ZNF738: variants seen among roughly 807,000 people sequenced by gnomAD.
The protein encoded by ZNF738 is zinc finger protein 738.
In ZNF738, 10 loss-of-function variants were observed where a neutral mutation model predicts 9.2. The ratio of observed to expected loss-of-function variants is 1.09; its 90% CI spans 0.67 to 1.85. The LOEUF is 1.85. Among genes scored for constraint, ZNF738 ranks in the 40% most tolerant of loss-of-function variants. The probability of loss-of-function intolerance (pLI) is 0.00; values close to 1 mark genes in which losing one functional copy is unlikely to be tolerated. For synonymous variants in ZNF738, 113 were observed against 94.5 expected, an observed-to-expected ratio of 1.20 and a Z score of -1.14; for missense variants, 346 against 283.6, an observed-to-expected ratio of 1.22 and a Z score of -1.58.
Position 21,383,658 on chromosome 19 carries a change from C to A in ZNF738, c.1112C>A (p.Pro371His). Reference sequence around the variant, plus strand: ...AAGATAATTCATACTGGAGAGAAACCCTACAAATGTGAATAATGTGGCAAA... The same window carrying A: ...AAGATAATTCATACTGGAGAGAAACACTACAAATGTGAATAATGTGGCAAA... ...RHKIIHTGEKPYKCE is the reference protein window; with the variant it reads ...RHKIIHTGEKHYKCE The change falls in exon 5 of 5, where the codon CCC (proline) becomes CAC (histidine). Residue 371 changes from proline (P) to histidine (H), a missense_variant. Transcript: ENST00000683779. The A allele has an allele frequency of 1.0e-6, 1 of 971,950 alleles. No homozygotes were observed. The highest frequency in any genetic ancestry group is 1.6e-6 in the Non-Finnish European group (1 of 612,528). The allele number at this position is 971,950 out of a possible 1,614,324, so 60.2% of individuals were successfully genotyped here. A position where few individuals can be genotyped will look rare whatever the true frequency, so the allele number is the denominator to read the frequency against.
At chr19:21,359,224 G>A (rs553600061) in intron 1 of ZNF738, 81 bp downstream of exon 1, 727 of 917,804 alleles carry the variant, frequency 7.9e-4, no homozygotes, top group Non-Finnish European at 2.9e-4. Context: ...CGAGACTCAG[G>A]CCTCCCCGCA....
rs1158574619 is a variant in ZNF738, at chr19:21,383,077, A to G, written c.531A>G (p.Gln177=). The G allele has an allele frequency of 3.8e-6, 5 of 1,314,996 alleles. No homozygotes were observed. Among genetic ancestry groups the G allele is most frequent in the East Asian group, 2.3e-5 (1 of 42,764 alleles). 81.5% of individuals were successfully genotyped at this position (1,314,996 alleles called of 1,614,324 possible). Residue 177 remains glutamine (Q), a synonymous_variant, in exon 5 of 5, where the codon CAA becomes CAG. Transcript: ENST00000683779. The part of the protein sequence containing the change: ...YLTTTQSKIF[Q]CDKYVKVFHK... ...CAACTACCCAGAGCAAAATATTTCA[A>G]TGTGATAAATATGTGAAAGTCTTTC...
chr19:21,378,771 G>T, intron 4 of ZNF738: 1 of 263,648 alleles, frequency 3.8e-6, no homozygotes. Flanking sequence ...AGCTAAGTTT[G>T]TATTTTTAGT....
At chr19:21,381,786 C>T in intron 4 of ZNF738, 1 of 284,856 alleles carries the variant, frequency 3.5e-6, no homozygotes, top group Non-Finnish European at 7.1e-6. Flanking sequence ...AGCCACCGCG[C>T]CTGGCCAGGC....
At chr19:21,374,123 T>C (rs1973894748) in intron 2 of ZNF738, among the ~76,000 whole-genome samples, 1 of 152,162 alleles carries the variant, frequency 6.6e-6, no homozygotes, top group African/African-American at 2.4e-5. Flanking sequence ...TGGGGGAACG[T>C]CCTTAGTAAG....
In ZNF738 at chr19:21,368,893, C is replaced by G. The variant is rs560300766; in HGVS notation, c.97-6345C>G. ...CTGGGATTACAGATACTTGCCACGA[C>G]GCCCAGCTGATTTTTTGTATTTTTA... is the stretch of plus-strand genomic sequence containing the variant. On this transcript the variant is annotated intron_variant, in intron 2 of 4. Coordinates refer to ENST00000683779, the MANE Select transcript of ZNF738 (RefSeq NM_001355237.2). 3.9e-5 allele frequency among the ~76,000 whole-genome samples: 6 copies of G among 152,202 alleles called. 1 individual carries two copies. The South Asian group carries it at 1.2e-3, about 32-fold the overall frequency.
rs1261789529 is a variant in ZNF738, at chr19:21,383,127, A to G, written c.581A>G (p.His194Arg). The G allele has an allele frequency of 1.5e-5, 24 of 1,580,324 alleles. No homozygotes were observed. The highest frequency in any genetic ancestry group is 4.4e-5 in the South Asian group (4 of 90,028). ...VFHKFLNSNT[H>R]KTRHTGKKPF... ...CATAAATTTTTAAATTCAAATACACATAAGACAAGACATACTGGAAAGAAA... is the reference window on the plus strand; with the variant it reads ...CATAAATTTTTAAATTCAAATACACGTAAGACAAGACATACTGGAAAGAAA... Residue 194 changes from histidine to arginine, a missense_variant, in exon 5 of 5, where the codon CAT (histidine) becomes CGT (arginine). Transcript: ENST00000683779.
intron 4 of ZNF738, 52 bp downstream of exon 4, chr19:21,376,016 C>CAAA: frequency 4.0e-5 from 22 of 543,630 alleles, no homozygotes; most frequent in South Asian, 1.1e-4. Context: ...TGGAAGATTA[C>CAAA]AAAAAAAAAA....
chr19:21,387,777 T>C lies in ZNF738; in HGVS notation c.*4103T>C, dbSNP rs1599722749. ...ATATTGAAGATGGACATTACAAACATAAAGAGGGTTGTAGTACCTTTACTT... is the reference window on the plus strand; with the variant it reads ...ATATTGAAGATGGACATTACAAACACAAAGAGGGTTGTAGTACCTTTACTT... On this transcript the variant is annotated 3_prime_UTR_variant, in exon 5 of 5. Transcript: ENST00000683779. 6.6e-6 allele frequency among the ~76,000 whole-genome samples: 1 copy of C among 152,092 alleles called. No individual in the cohort carries two copies. Among genetic ancestry groups the C allele is most frequent in the East Asian group, 1.9e-4 (1 of 5,188 alleles).
rs186397221 is a variant in ZNF738, at chr19:21,364,890, C to A, written c.96+3032C>A. Among the ~76,000 whole-genome samples the A allele has an allele frequency of 2.3e-3, 339 of 146,932 alleles. 2 individuals carry two copies. Among genetic ancestry groups the A allele is most frequent in the South Asian group, 0.012 (56 of 4,660 alleles). On this transcript the variant is annotated intron_variant, in intron 2 of 4. Transcript: ENST00000683779. ...CCTCCTGAGTGACTGGGACTACAGG[C>A]ATCCACCACCATACCCAGCTAATTT...
At chr19:21,369,816 C>CTT (rs548346186) in intron 2 of ZNF738, among the ~76,000 whole-genome samples, 7 of 138,298 alleles carry the variant, frequency 5.1e-5, no homozygotes, top group African/African-American at 1.3e-4. Flanking sequence ...CAGCTTCATT[C>CTT]TTTTTTTTTT....
intron 4 of ZNF738, chr19:21,377,864 CAAAG>C (rs1172597719): frequency 2.6e-6 from 1 of 378,604 alleles, no homozygotes; most frequent in African/African-American, 2.1e-5. Flanking sequence ...TTTTCTGAAA[CAAAG>C]AGACTTACTA....
At chr19:21,374,990 T>C (rs1973906671) in intron 2 of ZNF738, among the ~76,000 whole-genome samples, 1 of 152,198 alleles carries the variant, frequency 6.6e-6, no homozygotes. Flanking sequence ...TTCATGCCTT[T>C]CGTTTTTATA....
chr19:21,370,251 G>A (rs1181286722), intron 2 of ZNF738, among the ~76,000 whole-genome samples: 1 of 152,122 alleles, frequency 6.6e-6, no homozygotes, highest in African/African-American at 2.4e-5. Flanking sequence ...TGATCATAGT[G>A]CATTAGCTTT....
At chr19:21,381,383 T>G in intron 4 of ZNF738, 1 of 1,526,308 alleles carries the variant, frequency 6.6e-7, no homozygotes, top group Non-Finnish European at 9.1e-7. Context: ...TTGAATAACT[T>G]CTTCATCAGA....
At position 21,361,810 on chromosome 19, in the gene ZNF738, A is replaced by G. The variant is rs1188031805; in HGVS notation, c.48A>G (p.Gly16=). The change falls in exon 2 of 5, where the codon GGA becomes GGG. Residue 16 remains glycine, a synonymous_variant. Transcript: ENST00000683779. The part of the protein sequence containing the change: ...YGVYPVKGAS[G]YPGAERNLLE... ...TGTATCCTGTCAAGGGGGCAAGTGG[A>G]TACCCTGGGGCTGAGAGGAATCTTC... 1 of 780,774 alleles carries G rather than the reference A, an allele frequency of 1.3e-6. No individual in the cohort carries two copies. Among genetic ancestry groups the G allele is most frequent in the Non-Finnish European group, 2.4e-6 (1 of 418,052 alleles). The allele number at this position is 780,774 out of a possible 1,614,324, so 48.4% of individuals were successfully genotyped here. A position where few individuals can be genotyped will look rare whatever the true frequency, so the allele number is the denominator to read the frequency against.
At position 21,387,645 on chromosome 19, in the gene ZNF738, ACATC is replaced by A. The variant is rs1291770129; in HGVS notation, c.*3972_*3975del. On this transcript the variant is annotated 3_prime_UTR_variant, in exon 5 of 5. Coordinates refer to ENST00000683779, the MANE Select transcript of ZNF738 (RefSeq NM_001355237.2). ...GTGAAAAAGACATTAATATCTGCTT[ACATC>A]TTAACACCAGAGAGTTCATACTTAA... 6.6e-6 allele frequency among the ~76,000 whole-genome samples: 1 copy of A among 152,236 alleles called. No individual in the cohort carries two copies. The highest frequency in any genetic ancestry group is 1.9e-4 in the East Asian group (1 of 5,204).
intron 2 of ZNF738, among the ~76,000 whole-genome samples, chr19:21,362,482 G>A (rs1451789816): frequency 6.6e-6 from 1 of 152,156 alleles, no homozygotes; most frequent in Non-Finnish European, 1.5e-5. Flanking sequence ...TAAGTGAGCA[G>A]GAGTGGGTGG....
intron 2 of ZNF738, among the ~76,000 whole-genome samples, chr19:21,373,287 A>G (rs1973880065): frequency 6.6e-6 from 1 of 152,108 alleles, no homozygotes; most frequent in Non-Finnish European, 1.5e-5. Context: ...GGTTCTGTTT[A>G]TTGTTCTAGG....
Sources: allele counts gnomAD v4.1 joint callset (sites outside exome capture counted in the v4.1 genomes callset), GRCh38; gene constraint gnomAD v4.1.1; transcripts MANE v1.5; gene names NCBI Gene and HGNC (gene_info 2026-07-23, HGNC 2026-07-21).